ULK4: variants seen among roughly 807,000 people sequenced by gnomAD.
The protein encoded by ULK4 is inactive serine/threonine-protein kinase ULK4.
Under a neutral mutation model 160.6 loss-of-function variants are expected in ULK4, and 133 were observed. That is an observed-to-expected ratio of 0.83 (90% CI 0.72 to 0.96). ULK4 has a LOEUF of 0.96. Ranked by LOEUF, ULK4 falls within the 40% of genes least tolerant of loss-of-function variation. The pLI is 0.00. For missense variants in ULK4, 1,580 were observed against 1,499.5 expected (o/e 1.05, Z -0.89); for synonymous variants, 534 against 539.8 (o/e 0.99, Z 0.15).
intron 2 of ULK4, among the ~76,000 whole-genome samples, chr3:41,945,984 G>A (rs1049014559): frequency 2.0e-5 from 3 of 151,918 alleles, no homozygotes. Context: ...ATTAATCTGT[G>A]GAGTTAGAAG....
At chr3:41,727,910 T>A (rs2037705292) in intron 22 of ULK4, among the ~76,000 whole-genome samples, 1 of 152,182 alleles carries the variant, frequency 6.6e-6, no homozygotes, top group Non-Finnish European at 1.5e-5. Context: ...TTTTTCAAGG[T>A]ACAAATAATT....
chr3:41,531,951 C>A (rs1431635157), intron 32 of ULK4, among the ~76,000 whole-genome samples: 1 of 152,168 alleles, frequency 6.6e-6, no homozygotes, highest in African/African-American at 2.4e-5. Flanking sequence ...GGTTTTCTAA[C>A]CTAGATTATG....
intron 21 of ULK4, among the ~76,000 whole-genome samples, chr3:41,783,535 C>CA (rs36018598): frequency 0.069 from 9,260 of 134,076 alleles, 896 homozygotes; most frequent in African/African-American, 0.23. Flanking sequence ...GACTCTGTCT[C>CA]AAAAAAAAAA....
intron 30 of ULK4, among the ~76,000 whole-genome samples, chr3:41,635,578 T>G (rs984886817): frequency 6.6e-6 from 1 of 152,288 alleles, no homozygotes; most frequent in East Asian, 1.9e-4. Context: ...ATACATGACA[T>G]AGGATCAACC....
At chr3:41,562,509 G>A (rs985661378) in intron 32 of ULK4, among the ~76,000 whole-genome samples, 5 of 152,102 alleles carry the variant, frequency 3.3e-5, no homozygotes, top group African/African-American at 1.2e-4. Flanking sequence ...TCTGTTTGTA[G>A]ATCTCTAAGG....
intron 30 of ULK4, among the ~76,000 whole-genome samples, chr3:41,633,642 A>C (rs895765346): frequency 1.3e-5 from 2 of 152,180 alleles, no homozygotes; most frequent in Non-Finnish European, 2.9e-5. Context: ...AAAATGAAAA[A>C]GGACTGGGAA....
At chr3:41,738,543 A>T (rs1045836180) in intron 22 of ULK4, among the ~76,000 whole-genome samples, 1 of 151,874 alleles carries the variant, frequency 6.6e-6, no homozygotes, top group African/African-American at 2.4e-5. Context: ...AGCTGGTTGG[A>T]CCTCAGGAAA....
At chr3:41,615,936 G>A (rs1318681946) in intron 30 of ULK4, among the ~76,000 whole-genome samples, 2 of 152,168 alleles carry the variant, frequency 1.3e-5, no homozygotes, top group Non-Finnish European at 2.9e-5. Flanking sequence ...TTATTGATGT[G>A]TAGCAAGTGA....
At chr3:41,522,421 T>A (rs2085964156) in intron 32 of ULK4, among the ~76,000 whole-genome samples, 1 of 152,170 alleles carries the variant, frequency 6.6e-6, no homozygotes, top group Non-Finnish European at 1.5e-5. Context: ...ATTTCAGGCG[T>A]GAGCCACCAC....
chr3:41,572,831 A>G (rs2088045528), intron 31 of ULK4, among the ~76,000 whole-genome samples: 1 of 152,030 alleles, frequency 6.6e-6, no homozygotes, highest in Admixed American at 6.5e-5. Flanking sequence ...ATTACAGGAA[A>G]CGAAAGAATG....
intron 21 of ULK4, among the ~76,000 whole-genome samples, chr3:41,771,498 T>C (rs1344752939): frequency 1.3e-5 from 2 of 152,296 alleles, no homozygotes; most frequent in South Asian, 2.1e-4. Flanking sequence ...TTAGTAAACA[T>C]CAAAAAAGCA....
At position 41,484,458 on chromosome 3, in the gene ULK4, C is replaced by CTTTTTTTTTTTTTTTTTTT. The variant is rs369059587; in HGVS notation, c.3227-21206_3227-21205insAAAAAAAAAAAAAAAAAAA. Among the ~76,000 whole-genome samples the CTTTTTTTTTTTTTTTTTTT allele has an allele frequency of 3.8e-4, 51 of 134,896 alleles. 3 individuals are homozygous for CTTTTTTTTTTTTTTTTTTT. Among genetic ancestry groups the CTTTTTTTTTTTTTTTTTTT allele is most frequent in the Non-Finnish European group, 4.4e-4 (28 of 63,028 alleles). The allele number at this position is 134,896 out of a possible 152,430, so 88.5% of individuals were successfully genotyped here. A position where few individuals can be genotyped will look rare whatever the true frequency, so the allele number is the denominator to read the frequency against. On this transcript the variant is annotated intron_variant, in intron 32 of 36. Transcript: ENST00000301831. ...GAGTGACTTTTTTTTCTTTCTTTTC[C>CTTTTTTTTTTTTTTTTTTT]TTTTTTTGTTTTGAGATGGAGTCTC...
At chr3:41,865,928 T>C (rs1321479627) in intron 17 of ULK4, among the ~76,000 whole-genome samples, 1 of 152,102 alleles carries the variant, frequency 6.6e-6, no homozygotes, top group African/African-American at 2.4e-5. Context: ...ATTGGCAAGT[T>C]GGACTTCATC....
intron 31 of ULK4, 92 bp from the exon 32 acceptor site, chr3:41,566,222 T>C: frequency 9.7e-7 from 1 of 1,027,028 alleles, no homozygotes; most frequent in Non-Finnish European, 1.5e-6. Flanking sequence ...ACTGCTTCAT[T>C]CTTTGCACAA....
intron 21 of ULK4, among the ~76,000 whole-genome samples, chr3:41,766,262 T>C (rs1192674653): frequency 2.0e-5 from 3 of 152,156 alleles, no homozygotes; most frequent in Non-Finnish European, 2.9e-5. Context: ...AGCAAGACTC[T>C]GTCTCAAAGA....
intron 22 of ULK4, among the ~76,000 whole-genome samples, chr3:41,733,059 A>T (rs1275125771): frequency 6.6e-6 from 1 of 152,116 alleles, no homozygotes; most frequent in Non-Finnish European, 1.5e-5. Context: ...GACTATTACA[A>T]TATTGTATTA....
chr3:41,863,714 G>C (rs746586537), intron 17 of ULK4, among the ~76,000 whole-genome samples: 1 of 151,840 alleles, frequency 6.6e-6, no homozygotes, highest in South Asian at 2.1e-4. Context: ...TTTCCCTTCT[G>C]GCCCAGGGTG....
At chr3:41,558,100 C>A (rs2087372080) in intron 32 of ULK4, among the ~76,000 whole-genome samples, 1 of 152,100 alleles carries the variant, frequency 6.6e-6, no homozygotes, top group South Asian at 2.1e-4. Flanking sequence ...GCTAACAATT[C>A]CAATTCCAGG....
chr3:41,477,692 A>G (rs1038875522), intron 32 of ULK4, among the ~76,000 whole-genome samples: 1 of 152,222 alleles, frequency 6.6e-6, no homozygotes, highest in African/African-American at 2.4e-5. Flanking sequence ...TGAAAGTGGC[A>G]ATGCCTGTCT....
Sources: gnomAD v4.1 joint callset for allele counts (sites outside exome capture counted in the v4.1 genomes callset) on GRCh38, gnomAD v4.1.1 for gene constraint, MANE v1.5 for transcripts, NCBI Gene and HGNC (gene_info 2026-07-23, HGNC 2026-07-21) for gene names.